PTPDC1: variants seen among roughly 807,000 people sequenced by gnomAD.
PTPDC1 encodes protein tyrosine phosphatase domain-containing protein 1.
A neutral mutation model predicts 75.3 loss-of-function variants in PTPDC1; 53 were observed. That is an observed-to-expected ratio of 0.70 (90% confidence interval 0.56 to 0.88). The LOEUF is 0.88. PTPDC1 is among the 40% of genes least tolerant of loss of function. The pLI, the probability that PTPDC1 is intolerant of heterozygous loss-of-function variation, is 0.00. For missense variants in PTPDC1, 925 were observed against 998.6 expected (o/e 0.93, Z 0.99); for synonymous variants, 349 against 366.2 (o/e 0.95, Z 0.54).
rs1158152811 is a variant in PTPDC1 at position 94,107,869 on chromosome 9, C to G, written c.2352C>G (p.Thr784=). ...AAAATGGACCAACAGTTTACAACAC[C>G]CTGAAGAAAATATTTAAGCACACGC... The part of the protein sequence containing the change: ...DSENGPTVYN[T]LKKIFKHTLE... The change falls in exon 9 of 9, where the codon ACC becomes ACG. Residue 784 remains threonine (T), a synonymous_variant. Coordinates refer to ENST00000620992, the MANE Select transcript of PTPDC1 (RefSeq NM_001253829.2). 14 of 1,607,422 alleles carry G rather than the reference C, an allele frequency of 8.7e-6. No individual in the cohort carries two copies. The highest frequency in any genetic ancestry group is 9.3e-6 in the Non-Finnish European group (11 of 1,177,004).
chr9:94,098,653 C>G (rs1410593418), intron 6 of PTPDC1, 74 bp downstream of exon 6: 2 of 1,240,668 alleles, frequency 1.6e-6, no homozygotes, highest in Non-Finnish European at 2.3e-6. Flanking sequence ...GATACATTTT[C>G]CCAAACTTAT....
chr9:94,043,032 A>G (rs1044147148), intron 1 of PTPDC1, among the ~76,000 whole-genome samples: 6 of 152,046 alleles, frequency 3.9e-5, no homozygotes, highest in Non-Finnish European at 7.4e-5. Flanking sequence ...TTCTAATTCT[A>G]CTTCTCTTGC....
At chr9:94,045,872 G>T (rs575633616) in intron 1 of PTPDC1, among the ~76,000 whole-genome samples, 37 of 152,060 alleles carry the variant, frequency 2.4e-4, no homozygotes, top group East Asian at 5.8e-4. Context: ...TTCAATTTTG[G>T]CTTTTGTTGC....
At chr9:94,074,384 C>T (rs1371882046) in intron 2 of PTPDC1, among the ~76,000 whole-genome samples, 2 of 152,044 alleles carry the variant, frequency 1.3e-5, no homozygotes, top group Non-Finnish European at 2.9e-5. Context: ...GCCTTTGAGT[C>T]GGGGGGATAA....
At position 94,108,537 on chromosome 9, in the gene PTPDC1, CAG is replaced by C. The variant is rs974115249; in HGVS notation, c.*599_*600del. On this transcript the variant is annotated 3_prime_UTR_variant, in exon 9 of 9. Coordinates refer to ENST00000620992, the MANE Select transcript of PTPDC1 (RefSeq NM_001253829.2). ...GAGGGTTTCAAAGCATATTATTTTT[CAG>C]AGAGATTTAGTTTTACTTTAATGGA... The C allele has an allele frequency of 7.9e-5, 12 of 152,412 alleles. No homozygotes were observed. Among genetic ancestry groups the C allele is most frequent in the African/African-American group, 2.9e-4 (12 of 41,392 alleles). The allele number at this position is 152,412 out of a possible 1,614,324, so 9.4% of individuals were successfully genotyped here. A position where few individuals can be genotyped will look rare whatever the true frequency, so the allele number is the denominator to read the frequency against.
chr9:94,084,358 G>T, upstream of PTPDC1: 1 of 1,039,446 alleles, frequency 9.6e-7, no homozygotes, highest in Non-Finnish European at 1.3e-6. Flanking sequence ...TGCCTGTTCA[G>T]ATCTAAGTGG....
chr9:94,090,024 T>C (rs1376188399), intron 4 of PTPDC1, among the ~76,000 whole-genome samples: 213 of 117,826 alleles, frequency 1.8e-3, no homozygotes, highest in African/African-American at 5.9e-3. Context: ...TCCCATTTTG[T>C]AGGTTGCCTG....
intron 4 of PTPDC1, among the ~76,000 whole-genome samples, chr9:94,089,510 G>C (rs1827214437): frequency 2.0e-5 from 2 of 101,382 alleles, no homozygotes; most frequent in South Asian, 8.9e-4. Context: ...CCAAGTCTTT[G>C]CTATTGTGAA....
chr9:94,041,880 A>C (rs1825435659), intron 1 of PTPDC1, among the ~76,000 whole-genome samples: 1 of 152,184 alleles, frequency 6.6e-6, no homozygotes, highest in East Asian at 1.9e-4. Flanking sequence ...TGATATGCTC[A>C]TCACTCTTGG....
Position 94,098,348 on chromosome 9 carries a change from G to T in PTPDC1, c.1782G>T (p.Gln594His), listed in dbSNP as rs1368142176. The T allele has an allele frequency of 6.2e-7, 1 of 1,614,092 alleles. No individual in the cohort carries two copies. Among genetic ancestry groups the T allele is most frequent in the Non-Finnish European group, 8.5e-7 (1 of 1,180,050 alleles). ...HGVGSPGSVR[Q>H]NSRTPRSPLD... ...TTGGGAGCCCTGGCTCTGTCAGGCA[G>T]AACAGCAGGACACCCCGAAGCCCTC... The change falls in exon 6 of 9, where the codon CAG (glutamine) becomes CAT (histidine). Residue 594 changes from glutamine to histidine, a missense_variant. Gln to His is a conservative substitution (Grantham distance 24). Transcript: ENST00000620992.
chr9:94,048,731 C>T (rs1390255636), intron 1 of PTPDC1, among the ~76,000 whole-genome samples: 3 of 152,120 alleles, frequency 2.0e-5, no homozygotes, highest in Non-Finnish European at 4.4e-5. Flanking sequence ...CTGCTTGGTG[C>T]AGAGCTCAGT....
chr9:94,041,065 A>G (rs1216216462), intron 1 of PTPDC1, among the ~76,000 whole-genome samples: 2 of 152,172 alleles, frequency 1.3e-5, no homozygotes, highest in Admixed American at 6.5e-5. Context: ...TGATCTCTAC[A>G]TCTTCCTTCA....
chr9:94,054,413 C>CA (rs1825872770), intron 1 of PTPDC1, among the ~76,000 whole-genome samples: 1 of 150,554 alleles, frequency 6.6e-6, no homozygotes, highest in South Asian at 2.1e-4. Flanking sequence ...TACTAAGTCT[C>CA]AGAGATATTA....
At chr9:94,104,477 T>G (rs1421394750) in intron 8 of PTPDC1, 92 bp downstream of exon 8, 5 of 766,498 alleles carry the variant, frequency 6.5e-6, no homozygotes, top group Non-Finnish European at 1.1e-5. Flanking sequence ...TCCTCTAAAA[T>G]AAAACATGTA....
At chr9:94,041,166 C>T (rs2118407779) in intron 1 of PTPDC1, among the ~76,000 whole-genome samples, 1 of 152,274 alleles carries the variant, frequency 6.6e-6, no homozygotes, top group Middle Eastern at 3.4e-3. Flanking sequence ...GACTCTAGTT[C>T]AGTGTTTTCT....
chr9:94,097,342 T>G lies in PTPDC1; in HGVS notation c.776T>G (p.Leu259Ter). 1 of 1,609,208 alleles carries G rather than the reference T, an allele frequency of 6.2e-7. No individual in the cohort carries two copies. The highest frequency in any genetic ancestry group is 8.5e-7 in the Non-Finnish European group (1 of 1,176,808). Residue 259 changes from leucine (L) to a stop codon, truncating the protein, a stop_gained, in exon 6 of 9, where the codon TTA (leucine) becomes TGA (stop). Coordinates refer to ENST00000620992, the MANE Select transcript of PTPDC1 (RefSeq NM_001253829.2). LOFTEE classifies it high-confidence loss of function. ...GRTGVLIACY[L>*]VFATRMTADQ... ...TTAGGTGTTTTAATAGCCTGTTACTTAGTTTTTGCAACGAGAATGACTGCT... is the reference window on the plus strand; with the variant it reads ...TTAGGTGTTTTAATAGCCTGTTACTGAGTTTTTGCAACGAGAATGACTGCT...
chr9:94,070,793 A>G (rs373196153), intron 2 of PTPDC1, among the ~76,000 whole-genome samples: 1 of 152,288 alleles, frequency 6.6e-6, no homozygotes, highest in Admixed American at 6.5e-5. Context: ...GACTTTTTTC[A>G]GTCAGCCTAA....
chr9:94,040,833 T>C (rs956805371), intron 1 of PTPDC1, among the ~76,000 whole-genome samples: 1 of 152,210 alleles, frequency 6.6e-6, no homozygotes, highest in Non-Finnish European at 1.5e-5. Context: ...TCCTTTTACC[T>C]GAAGACTCCT....
intron 2 of PTPDC1, among the ~76,000 whole-genome samples, chr9:94,078,927 T>C (rs1428140846): frequency 6.6e-6 from 1 of 152,248 alleles, no homozygotes; most frequent in Non-Finnish European, 1.5e-5. Context: ...TTTAGGACTT[T>C]GAATATATTT....
Sources: gnomAD v4.1 joint callset for allele counts (sites outside exome capture counted in the v4.1 genomes callset) on GRCh38, gnomAD v4.1.1 for gene constraint, MANE v1.5 for transcripts, NCBI Gene and HGNC (gene_info 2026-07-23, HGNC 2026-07-21) for gene names.